MSRA: variants seen among roughly 807,000 people sequenced by gnomAD.
MSRA encodes mitochondrial peptide methionine sulfoxide reductase.
In MSRA, 54 loss-of-function variants were observed where a neutral mutation model predicts 31.3. The ratio of observed to expected loss-of-function variants is 1.73; its 90% confidence interval spans 1.39 to 2.17. MSRA has a LOEUF of 2.17. MSRA is among the 30% of genes most tolerant of loss of function. The pLI, the probability that MSRA is intolerant of heterozygous loss-of-function variation, is 0.00. For synonymous variants in MSRA, 169 were observed against 116.5 expected (o/e 1.45, Z -2.90); for missense variants, 507 against 300.9 (o/e 1.69, Z -5.07).
chr8:10,262,127 C>G (rs1798516460), intron 3 of MSRA, among the ~76,000 whole-genome samples: 1 of 152,174 alleles, frequency 6.6e-6, no homozygotes, highest in Non-Finnish European at 1.5e-5. Flanking sequence ...CTATTCAGCT[C>G]TTGAAATAAT....
intron 1 of MSRA, among the ~76,000 whole-genome samples, chr8:10,111,111 A>G (rs1800246333): frequency 6.6e-6 from 1 of 152,162 alleles, no homozygotes; most frequent in Non-Finnish European, 1.5e-5. Context: ...CCAGTAGGAC[A>G]AAAGGGTTTC....
At chr8:10,331,369 C>A (rs931700893) in intron 5 of MSRA, among the ~76,000 whole-genome samples, 3 of 152,172 alleles carry the variant, frequency 2.0e-5, no homozygotes, top group African/African-American at 7.2e-5. Flanking sequence ...GCCCATTCTT[C>A]TTTTGTAAAA....
At chr8:10,357,211 A>G (rs1318116647) in intron 5 of MSRA, among the ~76,000 whole-genome samples, 1 of 152,230 alleles carries the variant, frequency 6.6e-6, no homozygotes, top group African/African-American at 2.4e-5. Context: ...TGAGAGTTGC[A>G]AAATCGTATT....
chr8:10,357,875 C>T (rs1161574705), intron 5 of MSRA, among the ~76,000 whole-genome samples: 1 of 152,210 alleles, frequency 6.6e-6, no homozygotes, highest in Non-Finnish European at 1.5e-5. Flanking sequence ...AGTTTTCACT[C>T]AACTACTTTT....
At chr8:10,271,491 A>G (rs1799035933) in intron 3 of MSRA, among the ~76,000 whole-genome samples, 1 of 8,324 alleles carries the variant, frequency 1.2e-4, no homozygotes, top group Admixed American at 1.8e-3. Flanking sequence ...GGTGACAATA[A>G]TCAGGGGAAC....
intron 5 of MSRA, among the ~76,000 whole-genome samples, chr8:10,388,276 G>A (rs1438992095): frequency 6.6e-6 from 1 of 152,152 alleles, no homozygotes; most frequent in South Asian, 2.1e-4. Context: ...GGTTCGTGTT[G>A]CAGACTTGAG....
chr8:10,132,369 C>G (rs2129025822), intron 1 of MSRA, among the ~76,000 whole-genome samples: 1 of 152,314 alleles, frequency 6.6e-6, no homozygotes, highest in Middle Eastern at 3.4e-3. Context: ...TTAGGGGACC[C>G]CCATCACTAA....
At chr8:10,123,544 T>C (rs1487750618) in intron 1 of MSRA, among the ~76,000 whole-genome samples, 1 of 152,218 alleles carries the variant, frequency 6.6e-6, no homozygotes, top group Admixed American at 6.5e-5. Context: ...TGTCAATTTT[T>C]TTCTTTTGTT....
intron 1 of MSRA, among the ~76,000 whole-genome samples, chr8:10,069,555 G>C (rs1797631154): frequency 6.6e-6 from 1 of 152,236 alleles, no homozygotes; most frequent in Non-Finnish European, 1.5e-5. Context: ...GCTGAAGGCT[G>C]TTCTCTGCTT....
intron 1 of MSRA, among the ~76,000 whole-genome samples, chr8:10,175,556 G>C (rs946337076): frequency 2.0e-5 from 3 of 152,070 alleles, no homozygotes; most frequent in African/African-American, 7.2e-5. Context: ...CCTCACTTTG[G>C]GTATGGTTAA....
chr8:10,216,098 C>A (rs1415202489), intron 2 of MSRA, among the ~76,000 whole-genome samples: 1 of 152,154 alleles, frequency 6.6e-6, no homozygotes, highest in African/African-American at 2.4e-5. Flanking sequence ...AATCAAGGAT[C>A]AAATTCAGAT....
intron 1 of MSRA, among the ~76,000 whole-genome samples, chr8:10,109,698 C>T (rs564153199): frequency 1.3e-5 from 2 of 152,162 alleles, no homozygotes; most frequent in Non-Finnish European, 2.9e-5. Flanking sequence ...AACTATATCA[C>T]ACTGTTTTTG....
intron 1 of MSRA, among the ~76,000 whole-genome samples, chr8:10,092,692 C>A (rs1798917837): frequency 6.6e-6 from 1 of 151,468 alleles, no homozygotes. Flanking sequence ...TGGTAGATGT[C>A]TGTTGGTACT....
intron 1 of MSRA, among the ~76,000 whole-genome samples, chr8:10,062,622 A>G (rs1240524737): frequency 6.6e-6 from 1 of 152,236 alleles, no homozygotes; most frequent in East Asian, 1.9e-4. Context: ...ATTATGGCAC[A>G]TAATCGGTAA....
In MSRA at chr8:10,088,823, C is replaced by T. The variant is rs1405752820; in HGVS notation, c.142+34165C>T. The stretch of plus-strand genomic sequence containing the variant: ...CTAGCCTTAAGAAAGAAGATCTTGC[C>T]ATTTGCCACAGCACGGACGGATCTA... On this transcript the variant is annotated intron_variant, in intron 1 of 5. Coordinates refer to ENST00000317173, the MANE Select transcript of MSRA (RefSeq NM_012331.5). Among the ~76,000 whole-genome samples the T allele has an allele frequency of 2.0e-5, 3 of 152,138 alleles. No individual in the cohort carries two copies. In the South Asian group the frequency reaches 6.2e-4, roughly 32 times the overall value.
At chr8:10,403,163 A>G (rs971257271) in intron 5 of MSRA, among the ~76,000 whole-genome samples, 10 of 152,204 alleles carry the variant, frequency 6.6e-5, no homozygotes, top group African/African-American at 2.4e-4. Context: ...GCTGGCTTGG[A>G]GAAGGCCCTC....
intron 5 of MSRA, among the ~76,000 whole-genome samples, chr8:10,346,506 G>A (rs1206569993): frequency 6.6e-6 from 1 of 152,128 alleles, no homozygotes; most frequent in Non-Finnish European, 1.5e-5. Flanking sequence ...ATGGAAACAA[G>A]CAAAGCCTCT....
At chr8:10,149,062 T>G (rs186532915) in intron 1 of MSRA, among the ~76,000 whole-genome samples, 343 of 151,852 alleles carry the variant, frequency 2.3e-3, no homozygotes, top group Non-Finnish European at 4.0e-3. Context: ...TTCCAGTGAT[T>G]GTCTTGCCTC....
chr8:10,381,630 C>T (rs1806076905), intron 5 of MSRA, among the ~76,000 whole-genome samples: 4 of 152,160 alleles, frequency 2.6e-5, no homozygotes, highest in Admixed American at 2.6e-4. Flanking sequence ...GGGTGGGGCT[C>T]TAGGTTCTGG....
Sources: gnomAD v4.1 joint callset for allele counts (sites outside exome capture counted in the v4.1 genomes callset) on GRCh38, gnomAD v4.1.1 for gene constraint, MANE v1.5 for transcripts, NCBI Gene and HGNC (gene_info 2026-07-23, HGNC 2026-07-21) for gene names.